CLVS1: variants seen among roughly 807,000 people sequenced by gnomAD.
CLVS1 encodes clavesin-1.
A neutral mutation model predicts 33.1 loss-of-function variants in CLVS1; 10 were observed. The ratio of observed to expected loss-of-function variants is 0.30; its 90% CI spans 0.19 to 0.51. The LOEUF is 0.51. Among genes scored for constraint, CLVS1 ranks in the 20% least tolerant of loss-of-function variants. The pLI is 0.97. For synonymous variants in CLVS1, 163 were observed against 166.1 expected (o/e 0.98, Z 0.14); for missense variants, 343 against 433.4 (o/e 0.79, Z 1.85).
At chr8:61,319,365 GT>G (rs1488650070) in intron 2 of CLVS1, among the ~76,000 whole-genome samples, 2 of 152,086 alleles carry the variant, frequency 1.3e-5, no homozygotes, top group African/African-American at 4.8e-5. Flanking sequence ...TTAATTTTTG[GT>G]TTTGGCTCAT....
At chr8:61,344,337 G>A (rs777585595) in intron 2 of CLVS1, among the ~76,000 whole-genome samples, 8 of 152,196 alleles carry the variant, frequency 5.3e-5, no homozygotes, top group Admixed American at 2.0e-4. Flanking sequence ...ATGAGCCACC[G>A]CACTCGGCCT....
chr8:61,351,073 A>G (rs1429110778), intron 2 of CLVS1, among the ~76,000 whole-genome samples: 1 of 152,036 alleles, frequency 6.6e-6, no homozygotes, highest in Non-Finnish European at 1.5e-5. Context: ...CCTTCTCTCC[A>G]CTTGCTCAGG....
chr8:61,234,546 C>T (rs182579282), intron 2 of CLVS1, among the ~76,000 whole-genome samples: 1 of 152,248 alleles, frequency 6.6e-6, no homozygotes, highest in Admixed American at 6.5e-5. Flanking sequence ...CATATTGAGA[C>T]TTTCTGGGCT....
intron 2 of CLVS1, among the ~76,000 whole-genome samples, chr8:61,212,710 G>A (rs1368014580): frequency 2.0e-5 from 3 of 152,186 alleles, no homozygotes; most frequent in Admixed American, 2.0e-4. Context: ...CCACAGAGCG[G>A]GTGTGAATAA....
chr8:61,271,337 CT>C (rs1372685608), intron 2 of CLVS1, among the ~76,000 whole-genome samples: 4 of 150,796 alleles, frequency 2.7e-5, no homozygotes, highest in African/African-American at 9.8e-5. Context: ...GAGTGAGATT[CT>C]TAATCCTGAG....
At chr8:61,121,429 G>T (rs1053969504) in intron 1 of CLVS1, among the ~76,000 whole-genome samples, 15 of 152,050 alleles carry the variant, frequency 9.9e-5, no homozygotes, top group African/African-American at 3.4e-4. Flanking sequence ...TCAACTATTG[G>T]ATTTACTCTG....
chr8:61,080,506 G>C (rs1208069806), intron 1 of CLVS1, among the ~76,000 whole-genome samples: 1 of 152,136 alleles, frequency 6.6e-6, no homozygotes, highest in African/African-American at 2.4e-5. Context: ...TAGCACTTGG[G>C]ATTCATTTAT....
the CLVS1 span, among the ~76,000 whole-genome samples, chr8:60,995,634 C>T: frequency 6.6e-6 from 1 of 152,158 alleles, no homozygotes; most frequent in African/African-American, 2.4e-5. Flanking sequence ...ACTAGAAATA[C>T]CATTTGACCC....
At chr8:61,466,496 G>A (rs368538045) in intron 5 of CLVS1, among the ~76,000 whole-genome samples, 22 of 152,212 alleles carry the variant, frequency 1.4e-4, no homozygotes, top group African/African-American at 2.6e-4. Flanking sequence ...GGTGTAGGCC[G>A]GAAATTTCTG....
the CLVS1 span, among the ~76,000 whole-genome samples, chr8:60,998,508 A>C: frequency 2.6e-5 from 4 of 152,086 alleles, no homozygotes; most frequent in Non-Finnish European, 4.4e-5. Flanking sequence ...CTGTTTGGCT[A>C]CCATCACACT....
chr8:61,282,624 C>T (rs1049883124), intron 2 of CLVS1, among the ~76,000 whole-genome samples: 3 of 152,146 alleles, frequency 2.0e-5, no homozygotes, highest in African/African-American at 4.8e-5. Context: ...ACAAGTACTC[C>T]CTCATGTTAA....
intron 1 of CLVS1, among the ~76,000 whole-genome samples, chr8:61,091,171 G>A (rs2349689): frequency 0.21 from 32,375 of 152,130 alleles, 3,567 homozygotes; most frequent in Non-Finnish European, 0.24. Flanking sequence ...GAGGAGTGAA[G>A]CACAGAGGAG....
In CLVS1 at chr8:61,215,682, ATGTG is replaced by A. The variant is rs72193127; in HGVS notation, c.-152+83866_-152+83869del. Among the ~76,000 whole-genome samples, 333 of 143,818 alleles carry A rather than the reference ATGTG, an allele frequency of 2.3e-3. 1 individual carries two copies. Among genetic ancestry groups the A allele is most frequent in the African/African-American group, 3.5e-3 (139 of 39,440 alleles). The allele number at this position is 143,818 out of a possible 152,430, so 94.4% of individuals were successfully genotyped here. ...CGGAATTATGGCCCTGAAATTGAAA[ATGTG>A]TGTGTGTGTGTGTGTGTGTGTGTGT... On this transcript the variant is annotated intron_variant, in intron 2 of 2. Coordinates refer to the CLVS1 transcript ENST00000522621.
chr8:61,167,023 T>C (rs1806880606), intron 2 of CLVS1, among the ~76,000 whole-genome samples: 1 of 151,384 alleles, frequency 6.6e-6, no homozygotes, highest in Non-Finnish European at 1.5e-5. Context: ...TTAAATACAT[T>C]TGCTTCCTTT....
the CLVS1 span, among the ~76,000 whole-genome samples, chr8:61,007,392 T>C: frequency 2.0e-5 from 3 of 152,300 alleles, no homozygotes; most frequent in African/African-American, 7.2e-5. Flanking sequence ...GATTCTAATA[T>C]TTAGATTTGG....
intron 3 of CLVS1, among the ~76,000 whole-genome samples, chr8:61,384,877 A>ATCGG (rs750602209): frequency 5.3e-5 from 8 of 152,114 alleles, no homozygotes; most frequent in Non-Finnish European, 1.0e-4. Flanking sequence ...GAATGGGGAG[A>ATCGG]TCGGGACAAT....
At chr8:60,985,802 G>GA in the CLVS1 span, among the ~76,000 whole-genome samples, 17,931 of 107,618 alleles carry the variant, frequency 0.17, 1,248 homozygotes, top group Admixed American at 0.2. Flanking sequence ...GGGCTGCTGT[G>GA]AAAAAAAAAA....
At chr8:61,085,794 C>T (rs1217984866) in intron 1 of CLVS1, among the ~76,000 whole-genome samples, 7 of 150,492 alleles carry the variant, frequency 4.7e-5, no homozygotes, top group African/African-American at 1.5e-4. Context: ...GAGGCCGAGG[C>T]GGGCGGATCA....
intron 2 of CLVS1, among the ~76,000 whole-genome samples, chr8:61,176,405 A>G (rs150504039): frequency 5.6e-4 from 85 of 152,332 alleles, no homozygotes; most frequent in African/African-American, 2.0e-3. Context: ...GGCCCACCCA[A>G]GAGCAGAATT....
Sources: gnomAD v4.1 joint callset for allele counts (sites outside exome capture counted in the v4.1 genomes callset) on GRCh38, gnomAD v4.1.1 for gene constraint, MANE v1.5 for transcripts, NCBI Gene and HGNC (gene_info 2026-07-23, HGNC 2026-07-21) for gene names.